Variants in CALN1 observed in about 807,000 individuals in gnomAD.
The protein encoded by CALN1 is calneuron 1, also known as calcium-binding protein 8.
A neutral mutation model predicts 30.6 loss-of-function variants in CALN1; 17 were observed. The observed-to-expected ratio is 0.56, with a 90% CI of 0.38 to 0.83. The LOEUF (loss-of-function observed/expected upper bound fraction) is 0.83, where lower values mean the gene tolerates loss of function less well. Among genes scored for constraint, CALN1 ranks in the 40% least tolerant of loss-of-function variants. CALN1 has a pLI of 0.00. For synonymous variants in CALN1, 156 were observed against 131.4 expected, an observed-to-expected ratio of 1.19 and a Z score of -1.28; for missense variants, 291 against 354.9, an observed-to-expected ratio of 0.82 and a Z score of 1.45.
At chr7:72,058,468 C>G (rs918716184) in intron 4 of CALN1, among the ~76,000 whole-genome samples, 13 of 151,982 alleles carry the variant, frequency 8.6e-5, no homozygotes, top group Admixed American at 1.3e-4. Context: ...CAGGTGCCCA[C>G]CACCACACTC....
At chr7:71,898,503 G>A (rs1793674935) in intron 5 of CALN1, among the ~76,000 whole-genome samples, 1 of 152,184 alleles carries the variant, frequency 6.6e-6, no homozygotes, top group African/African-American at 2.4e-5. Context: ...AAAGCATACT[G>A]TGAGAAGATC....
chr7:72,013,364 G>A (rs1800200169), intron 5 of CALN1, among the ~76,000 whole-genome samples: 1 of 144,194 alleles, frequency 6.9e-6, no homozygotes, highest in Admixed American at 7.4e-5. Context: ...TGATCCTCCT[G>A]CCTCAACCTC....
chr7:71,785,815 G>A lies in CALN1; in HGVS notation c.*1960C>T, dbSNP rs1584202059. 6.5e-6 allele frequency: 1 copy of A among 153,334 alleles called. No homozygotes were observed. Among genetic ancestry groups the A allele is most frequent in the African/African-American group, 2.4e-5 (1 of 41,480 alleles). The allele number at this position is 153,334 out of a possible 1,614,324, so 9.5% of individuals were successfully genotyped here. ...GGTGAGTCAGCCAACAGGAGCAGCA[G>A]AAGGGGCAGGCATGCAGTGTGCAGG... On this transcript the variant is annotated 3_prime_UTR_variant, in exon 7 of 7. Transcript: ENST00000395275.
At position 71,876,993 on chromosome 7, in the gene CALN1, A is replaced by G. The variant is rs559428032; in HGVS notation, c.502-66501T>C. On this transcript the variant is annotated intron_variant, in intron 5 of 6. Transcript: ENST00000395275. ...TTCAGATAACTTACCTAAGCAATCAATTAGAACCCTTGTTTCTTTGTTTTT... is the reference window on the plus strand; with the variant it reads ...TTCAGATAACTTACCTAAGCAATCAGTTAGAACCCTTGTTTCTTTGTTTTT... Among the ~76,000 whole-genome samples the G allele has an allele frequency of 5.3e-5, 8 of 152,346 alleles. No homozygotes were observed. In the East Asian group the frequency reaches 7.7e-4, roughly 15 times the overall value.
intron 5 of CALN1, among the ~76,000 whole-genome samples, chr7:71,966,993 T>C (rs1365350887): frequency 6.6e-6 from 1 of 152,230 alleles, no homozygotes; most frequent in Non-Finnish European, 1.5e-5. Context: ...GTTTCTGGAA[T>C]ATTCTTTGCC....
chr7:72,243,565 G>A (rs1794979719), intron 3 of CALN1, among the ~76,000 whole-genome samples: 2 of 152,210 alleles, frequency 1.3e-5, no homozygotes, highest in South Asian at 4.2e-4. Flanking sequence ...GCACAAGAAG[G>A]CGGGAAGAGC....
At chr7:71,945,745 C>T (rs1253548788) in intron 5 of CALN1, among the ~76,000 whole-genome samples, 1 of 152,192 alleles carries the variant, frequency 6.6e-6, no homozygotes, top group Admixed American at 6.5e-5. Flanking sequence ...AGGGCTTCCA[C>T]TGATTCTACA....
intron 1 of CALN1, among the ~76,000 whole-genome samples, chr7:72,429,935 T>A (rs1289268771): frequency 6.6e-6 from 1 of 150,642 alleles, no homozygotes; most frequent in Non-Finnish European, 1.5e-5. Flanking sequence ...TTCTCTTGCC[T>A]CTGCCTCCCG....
chr7:71,906,257 T>C (rs1402487672), intron 5 of CALN1, among the ~76,000 whole-genome samples: 1 of 152,210 alleles, frequency 6.6e-6, no homozygotes, highest in African/African-American at 2.4e-5. Context: ...TTGTGGAATC[T>C]GGCAGCAGCC....
At chr7:71,931,861 C>CT (rs11455657) in intron 5 of CALN1, among the ~76,000 whole-genome samples, 21,578 of 152,184 alleles carry the variant, frequency 0.14, 1,881 homozygotes, top group Middle Eastern at 0.22. Context: ...AAACTCATTT[C>CT]TTAGACTTCT....
intron 2 of CALN1, among the ~76,000 whole-genome samples, chr7:72,301,081 A>T (rs1202701304): frequency 6.6e-6 from 1 of 152,220 alleles, no homozygotes; most frequent in Non-Finnish European, 1.5e-5. Context: ...CCTGGAGGGC[A>T]GGATGAATTC....
rs184281982 is a variant in CALN1 at position 71,932,641 on chromosome 7, G to A, written c.501+91016C>T. Among the ~76,000 whole-genome samples the A allele has an allele frequency of 2.7e-3, 410 of 151,626 alleles. 1 individual carries two copies. Among genetic ancestry groups the A allele is most frequent in the African/African-American group, 9.4e-3 (389 of 41,370 alleles). ...ATCCTGGCTAACACGGTGAAACCCC[G>A]TCTCTACTAAAAATACAAAAAAAAA... is the stretch of plus-strand genomic sequence containing the variant. On this transcript the variant is annotated intron_variant, in intron 5 of 6. Coordinates refer to ENST00000395275, the MANE Select transcript of CALN1 (RefSeq NM_031468.4).
intron 5 of CALN1, among the ~76,000 whole-genome samples, chr7:71,837,419 A>T (rs965977782): frequency 6.6e-6 from 1 of 152,144 alleles, no homozygotes; most frequent in African/African-American, 2.4e-5. Context: ...ATAAAACGTG[A>T]ATTAACTATA....
intron 5 of CALN1, among the ~76,000 whole-genome samples, chr7:71,857,003 G>GGT (rs1317032624): frequency 1.5e-5 from 2 of 134,206 alleles, no homozygotes; most frequent in Non-Finnish European, 1.6e-5. Context: ...ACAACCTCAT[G>GGT]GTGTGTATAT....
intron 3 of CALN1, among the ~76,000 whole-genome samples, chr7:72,157,477 A>T (rs995739035): frequency 4.6e-5 from 7 of 152,176 alleles, no homozygotes; most frequent in Non-Finnish European, 8.8e-5. Flanking sequence ...AGGTCCGGAA[A>T]GTTTCCCAGA....
intron 1 of CALN1, among the ~76,000 whole-genome samples, chr7:72,408,417 C>T (rs1277665132): frequency 1.3e-5 from 2 of 151,968 alleles, no homozygotes; most frequent in Non-Finnish European, 2.9e-5. Flanking sequence ...TACACTCCAG[C>T]CTGGGCAACA....
intron 3 of CALN1, among the ~76,000 whole-genome samples, chr7:72,177,592 T>A (rs1475053799): frequency 6.6e-6 from 1 of 151,608 alleles, no homozygotes; most frequent in Admixed American, 6.6e-5. Context: ...TGGTGAAACC[T>A]CATCTCTACC....
At chr7:72,312,647 A>T (rs904589834) in intron 2 of CALN1, among the ~76,000 whole-genome samples, 1 of 152,128 alleles carries the variant, frequency 6.6e-6, no homozygotes, top group East Asian at 1.9e-4. Flanking sequence ...AAAATTCAGA[A>T]AGGACAAGTA....
At chr7:72,188,581 A>G (rs1164476647) in intron 3 of CALN1, among the ~76,000 whole-genome samples, 2 of 152,062 alleles carry the variant, frequency 1.3e-5, no homozygotes, top group Non-Finnish European at 2.9e-5. Context: ...AGGAATAAAA[A>G]ATTACAAATT....
Sources: gnomAD v4.1 joint callset for allele counts (sites outside exome capture counted in the v4.1 genomes callset) on GRCh38, gnomAD v4.1.1 for gene constraint, MANE v1.5 for transcripts, NCBI Gene and HGNC (gene_info 2026-07-23, HGNC 2026-07-21) for gene names.